JAKMIP1: variants seen among roughly 807,000 people sequenced by gnomAD.
JAKMIP1 encodes janus kinase and microtubule-interacting protein 1.
JAKMIP1 carries 33 observed loss-of-function variants against 113.0 expected under a neutral mutation model. The ratio of observed to expected loss-of-function variants is 0.29; its 90% CI spans 0.22 to 0.39. The LOEUF (loss-of-function observed/expected upper bound fraction) is 0.39, where lower values mean the gene tolerates loss of function less well. Ranked by LOEUF, JAKMIP1 falls within the 10% of genes least tolerant of loss-of-function variation. The probability of loss-of-function intolerance (pLI) is 1.00; values close to 1 mark genes in which losing one functional copy is unlikely to be tolerated. For missense variants in JAKMIP1, 813 were observed against 1,080.5 expected (o/e 0.75, Z 3.47); for synonymous variants, 480 against 459.9 (o/e 1.04, Z -0.56).
rs138248701 is a variant in JAKMIP1 at position 6,139,505 on chromosome 4, C to G, written c.-147-26508G>C. Among the ~76,000 whole-genome samples the G allele has an allele frequency of 6.6e-6, 1 of 152,084 alleles. No homozygotes were observed. The highest frequency in any genetic ancestry group is 1.5e-5 in the Non-Finnish European group (1 of 68,042). ...AAATGGGGCTGGTCGTGGTGGCTCACGCCTGTAACCCCAGCACTTTGGGAG... is the reference window on the plus strand; with the variant it reads ...AAATGGGGCTGGTCGTGGTGGCTCAGGCCTGTAACCCCAGCACTTTGGGAG... On this transcript the variant is annotated intron_variant, in intron 1 of 20. Transcript: ENST00000409021. This position sits in a 1 kb window ranked among gnomAD's most constrained non-coding sequence, Gnocchi z 5.2.
intron 19 of JAKMIP1, among the ~76,000 whole-genome samples, chr4:6,035,370 A>G (rs1713274777): frequency 6.6e-6 from 1 of 152,028 alleles, no homozygotes; most frequent in Non-Finnish European, 1.5e-5. Context: ...CGCCCGACAA[A>G]TGCTCTGCAT....
intron 1 of JAKMIP1, among the ~76,000 whole-genome samples, chr4:6,121,687 G>A (rs998574859): frequency 9.2e-5 from 14 of 152,330 alleles, no homozygotes; most frequent in Non-Finnish European, 1.6e-4. Context: ...ATCGCAGCGC[G>A]GCTCCAGCCA....
At chr4:6,189,687 C>T (rs1260390294) in intron 1 of JAKMIP1, among the ~76,000 whole-genome samples, 1 of 152,316 alleles carries the variant, frequency 6.6e-6, no homozygotes, top group East Asian at 1.9e-4. Flanking sequence ...CTGCAATACA[C>T]AGTGGCTAGG....
rs1357167894 is a variant in JAKMIP1 at position 6,187,894 on chromosome 4, G to A, written c.-148+12359C>T. The stretch of plus-strand genomic sequence containing the variant: ...TTCCATTTTATTTTGTTTTCAATAT[G>A]CCTCACGTCATTTTTGCTCCTTTAT... On this transcript the variant is annotated intron_variant, in intron 1 of 20. Coordinates refer to ENST00000409021, the MANE Select transcript of JAKMIP1 (RefSeq NM_001099433.2). This position sits in a 1 kb window ranked among gnomAD's most constrained non-coding sequence, Gnocchi z 4.2. Among the ~76,000 whole-genome samples, 3 of 152,080 alleles carry A rather than the reference G, an allele frequency of 2.0e-5. No individual in the cohort carries two copies. The highest frequency in any genetic ancestry group is 6.5e-5 in the Admixed American group (1 of 15,282).
chr4:6,131,959 C>T (rs1718566540), intron 1 of JAKMIP1, among the ~76,000 whole-genome samples: 1 of 152,126 alleles, frequency 6.6e-6, no homozygotes, highest in Non-Finnish European at 1.5e-5. Context: ...TTAAAAGCAG[C>T]TCTTCAGAGT....
rs115107187 is a variant in JAKMIP1 at position 6,078,902 on chromosome 4, G to A, written c.1302+37C>T. The A allele has an allele frequency of 6.7e-4, 1,074 of 1,611,070 alleles. 6 individuals carry two copies. The African/African-American group carries it at 0.012, about 19-fold the overall frequency. On this transcript the variant is annotated intron_variant, in intron 8 of 20. Transcript: ENST00000409021. ...ATCTGCCCTGCAGATCCGTGACACA[G>A]CGGCAAGGTAGGGCAGGTGCACCAT...
intron 1 of JAKMIP1, among the ~76,000 whole-genome samples, chr4:6,125,719 AACACAC>A (rs111278843): frequency 7.4e-6 from 1 of 134,574 alleles, no homozygotes; most frequent in Non-Finnish European, 1.6e-5. Flanking sequence ...ACCATACAGA[AACACAC>A]ACACACACCA....
In JAKMIP1 at chr4:6,176,447, T is replaced by C. The variant is rs1246326230; in HGVS notation, c.-148+23806A>G. On this transcript the variant is annotated intron_variant, in intron 1 of 20. Transcript: ENST00000409021. The surrounding 1 kb of genome is among the most constrained non-coding windows in gnomAD (Gnocchi z 5.5). ...AACGGGACCAAGGAAGGATTTCCGA[T>C]GTTCAGCTGTATTGTACATTTTAAT... Among the ~76,000 whole-genome samples, 3 of 152,224 alleles carry C rather than the reference T, an allele frequency of 2.0e-5. No individual in the cohort carries two copies. The East Asian group carries it at 5.8e-4, about 29-fold the overall frequency.
intron 7 of JAKMIP1, among the ~76,000 whole-genome samples, chr4:6,079,285 T>C (rs1156326049): frequency 6.6e-6 from 1 of 152,102 alleles, no homozygotes; most frequent in East Asian, 1.9e-4. Flanking sequence ...GATGTATGCA[T>C]AGATAAGTGG....
chr4:6,033,436 A>G (rs1056958666), intron 19 of JAKMIP1, among the ~76,000 whole-genome samples: 3 of 152,198 alleles, frequency 2.0e-5, no homozygotes, highest in African/African-American at 7.2e-5. Context: ...AAGACATGAT[A>G]ATGATTAGGT....
Position 6,142,275 on chromosome 4 carries a change from C to T in JAKMIP1, c.-147-29278G>A, listed in dbSNP as rs1030809347. ...AGAGATTCCCTTTCCAATTCACTGG[C>T]CAAACGCTGCAAAGTTTCGAAGAGG... On this transcript the variant is annotated intron_variant, in intron 1 of 20. Coordinates refer to ENST00000409021, the MANE Select transcript of JAKMIP1 (RefSeq NM_001099433.2). This position sits in a 1 kb window ranked among gnomAD's most constrained non-coding sequence, Gnocchi z 5.5. Among the ~76,000 whole-genome samples the T allele has an allele frequency of 6.6e-6, 1 of 152,300 alleles. No homozygotes were observed. The highest frequency in any genetic ancestry group is 2.1e-4 in the South Asian group (1 of 4,824).
chr4:6,152,460 C>T (rs1490293653), intron 1 of JAKMIP1, among the ~76,000 whole-genome samples: 3 of 152,176 alleles, frequency 2.0e-5, no homozygotes, highest in Non-Finnish European at 1.5e-5. Context: ...GAGATAAGGC[C>T]TGGCATTGGA....
At chr4:6,079,052 C>G in intron 7 of JAKMIP1, 54 bp from the exon 8 acceptor site, 5 of 1,597,632 alleles carry the variant, frequency 3.1e-6, no homozygotes, top group Non-Finnish European at 4.3e-6. Flanking sequence ...TCTCACAAAC[C>G]AAAGCCACTG....
intron 17 of JAKMIP1, among the ~76,000 whole-genome samples, 180 bp downstream of exon 17, chr4:6,041,979 T>C (rs889327475): frequency 6.6e-6 from 1 of 152,168 alleles, no homozygotes; most frequent in African/African-American, 2.4e-5. Flanking sequence ...CGATGAGTAA[T>C]TGAGCGAGTG....
intron 19 of JAKMIP1, among the ~76,000 whole-genome samples, chr4:6,030,773 C>G (rs1435357398): frequency 1.3e-5 from 2 of 152,222 alleles, no homozygotes; most frequent in African/African-American, 4.8e-5. Context: ...GAAGCCATCT[C>G]ACATTCCGTA....
rs1200142766 is a variant in JAKMIP1 at position 6,137,261 on chromosome 4, C to T, written c.-147-24264G>A. ...ATGCCAGGTCCTGGCTTCCCCGTGCCAGCAGCCGGGCTCACCAGGGCCCAC... is the reference window on the plus strand; with the variant it reads ...ATGCCAGGTCCTGGCTTCCCCGTGCTAGCAGCCGGGCTCACCAGGGCCCAC... On this transcript the variant is annotated intron_variant, in intron 1 of 20. Coordinates refer to ENST00000409021, the MANE Select transcript of JAKMIP1 (RefSeq NM_001099433.2). This position sits in a 1 kb window ranked among gnomAD's most constrained non-coding sequence, Gnocchi z 4.5. Among the ~76,000 whole-genome samples the T allele has an allele frequency of 1.3e-5, 2 of 152,176 alleles. No homozygotes were observed. The highest frequency in any genetic ancestry group is 2.9e-5 in the Non-Finnish European group (2 of 68,048).
In JAKMIP1 at chr4:6,162,210, A is replaced by G. The variant is rs530544857; in HGVS notation, c.-148+38043T>C. On this transcript the variant is annotated intron_variant, in intron 1 of 20. Coordinates refer to ENST00000409021, the MANE Select transcript of JAKMIP1 (RefSeq NM_001099433.2). This position sits in a 1 kb window ranked among gnomAD's most constrained non-coding sequence, Gnocchi z 5.6. ...GTCCCACTAGAGGGCAGTGGGAGCGACTGCAGACCACTGGTCTTATGAGGA... is the reference window on the plus strand; with the variant it reads ...GTCCCACTAGAGGGCAGTGGGAGCGGCTGCAGACCACTGGTCTTATGAGGA... 6.6e-6 allele frequency among the ~76,000 whole-genome samples: 1 copy of G among 152,292 alleles called. No homozygotes were observed. The highest frequency in any genetic ancestry group is 6.5e-5 in the Admixed American group (1 of 15,298).
At position 6,086,804 on chromosome 4, in the gene JAKMIP1, T is replaced by C. The variant is rs1721371547; in HGVS notation, c.625-1175A>G. Reference sequence around the variant, plus strand: ...TGGGCCCTTATGACTGGTGTCCTTATGAGAGGAGAAGAGAGACACAGAGGG... The same window carrying C: ...TGGGCCCTTATGACTGGTGTCCTTACGAGAGGAGAAGAGAGACACAGAGGG... On this transcript the variant is annotated intron_variant, in intron 3 of 20. Transcript: ENST00000409021. The surrounding 1 kb of genome is among the most constrained non-coding windows in gnomAD (Gnocchi z 4.1). Among the ~76,000 whole-genome samples, 2 of 151,958 alleles carry C rather than the reference T, an allele frequency of 1.3e-5. No individual in the cohort carries two copies. The highest frequency in any genetic ancestry group is 1.9e-4 in the East Asian group (1 of 5,142).
At chr4:6,161,229 C>T (rs1417019155) in intron 1 of JAKMIP1, among the ~76,000 whole-genome samples, 3 of 147,540 alleles carry the variant, frequency 2.0e-5, no homozygotes, top group South Asian at 2.2e-4. Context: ...ATCTCCCTGA[C>T]CTCCACTCAC....
Sources: allele counts gnomAD v4.1 joint callset (sites outside exome capture counted in the v4.1 genomes callset), GRCh38; gene constraint gnomAD v4.1.1; non-coding constraint Gnocchi (gnomAD v3.1); transcripts MANE v1.5; gene names NCBI Gene and HGNC (gene_info 2026-07-23, HGNC 2026-07-21).